Variants in ESRRG observed in about 807,000 individuals in gnomAD.
The protein encoded by ESRRG is estrogen related receptor gamma.
Under a neutral mutation model 44.0 loss-of-function variants are expected in ESRRG, and 13 were observed. The observed-to-expected ratio is 0.30, with a 90% CI of 0.19 to 0.47. The LOEUF (loss-of-function observed/expected upper bound fraction) is 0.47, where lower values mean the gene tolerates loss of function less well. Ranked by LOEUF, ESRRG falls within the 20% of genes least tolerant of loss-of-function variation. ESRRG has a pLI of 1.00. For synonymous variants in ESRRG, 215 were observed against 214.6 expected (o/e 1.00, Z -0.02); for missense variants, 395 against 580.6 (o/e 0.68, Z 3.29).
intron 1 of ESRRG, among the ~76,000 whole-genome samples, chr1:216,701,030 G>C (rs898991890): frequency 2.0e-5 from 3 of 152,140 alleles, no homozygotes; most frequent in Non-Finnish European, 4.4e-5. Context: ...GAATTTGTCG[G>C]TTGAGGTAAG....
intron 1 of ESRRG, among the ~76,000 whole-genome samples, chr1:217,065,902 C>T (rs1479806132): frequency 1.3e-5 from 2 of 152,144 alleles, no homozygotes; most frequent in African/African-American, 2.4e-5. Flanking sequence ...AAAGCCTTCC[C>T]GCTTCCAAGT....
intron 1 of ESRRG, among the ~76,000 whole-genome samples, chr1:216,709,343 G>GTGTATATATA (rs377260365): frequency 6.9e-4 from 101 of 145,392 alleles, no homozygotes; most frequent in African/African-American, 2.5e-3. Flanking sequence ...GTGTGTGTGT[G>GTGTATATATA]TATATATATA....
At chr1:216,694,865 T>G (rs1280711397) in intron 1 of ESRRG, among the ~76,000 whole-genome samples, 1 of 152,190 alleles carries the variant, frequency 6.6e-6, no homozygotes, top group Non-Finnish European at 1.5e-5. Context: ...GGCCCATTTT[T>G]TGTTTCTGTT....
chr1:217,080,393 C>T (rs1489192651), intron 1 of ESRRG, among the ~76,000 whole-genome samples: 1 of 152,036 alleles, frequency 6.6e-6, no homozygotes, highest in Non-Finnish European at 1.5e-5. Flanking sequence ...TTATATGTGG[C>T]CTTCCAGTGC....
rs1355449506 is a variant in ESRRG, at chr1:217,137,054, C to T, written c.-230+613G>A. 3.3e-5 allele frequency among the ~76,000 whole-genome samples: 5 copies of T among 152,192 alleles called. No homozygotes were observed. In the East Asian group the frequency reaches 7.8e-4, roughly 24 times the overall value. ...TCAAGCCCGTCCCGTGGGCCTAAAG[C>T]GACTAGTAGCTGGGGGGGAGGGAGC... On this transcript the variant is annotated intron_variant, in intron 1 of 8. Transcript: ENST00000366940.
chr1:216,734,150 C>T (rs955102141), intron 2 of ESRRG, among the ~76,000 whole-genome samples: 2 of 152,124 alleles, frequency 1.3e-5, no homozygotes, highest in Non-Finnish European at 2.9e-5. Flanking sequence ...TTATGTGTCT[C>T]TGCCTTCCAT....
chr1:216,806,310 T>C (rs1302309329), intron 2 of ESRRG, among the ~76,000 whole-genome samples: 2 of 152,180 alleles, frequency 1.3e-5, no homozygotes, highest in Admixed American at 1.3e-4. Flanking sequence ...GGCTGGCTTT[T>C]TGATGTAATT....
At chr1:216,966,064 T>C (rs1157638534) in intron 1 of ESRRG, among the ~76,000 whole-genome samples, 1 of 152,146 alleles carries the variant, frequency 6.6e-6, no homozygotes, top group Non-Finnish European at 1.5e-5. Context: ...AAAAGGATCA[T>C]GAAGGTACAT....
At chr1:216,711,702 G>C (rs1435227824) in intron 1 of ESRRG, among the ~76,000 whole-genome samples, 1 of 152,132 alleles carries the variant, frequency 6.6e-6, no homozygotes, top group Non-Finnish European at 1.5e-5. Context: ...TGGCAGCTCT[G>C]TAATGATGTT....
At chr1:216,756,514 G>GT (rs1486030058) in intron 2 of ESRRG, among the ~76,000 whole-genome samples, 2 of 151,940 alleles carry the variant, frequency 1.3e-5, no homozygotes, top group South Asian at 2.1e-4. Flanking sequence ...AGAAAATCAG[G>GT]TTTTTTCTCT....
intron 1 of ESRRG, among the ~76,000 whole-genome samples, chr1:217,044,118 A>G (rs888978611): frequency 6.6e-6 from 1 of 152,204 alleles, no homozygotes; most frequent in Admixed American, 6.5e-5. Context: ...AAGTTTACTG[A>G]AGTAGGTAGC....
At chr1:216,866,410 T>C (rs2096159868) in intron 2 of ESRRG, among the ~76,000 whole-genome samples, 1 of 152,158 alleles carries the variant, frequency 6.6e-6, no homozygotes, top group African/African-American at 2.4e-5. Context: ...TTGAAATATA[T>C]ATTTTTTAGG....
intron 1 of ESRRG, among the ~76,000 whole-genome samples, chr1:217,050,795 A>T (rs2085812594): frequency 1.3e-5 from 2 of 152,138 alleles, no homozygotes; most frequent in Non-Finnish European, 2.9e-5. Flanking sequence ...GCTAATAGTA[A>T]GTCTGGGGAC....
At chr1:217,080,091 T>A (rs924025572) in intron 1 of ESRRG, among the ~76,000 whole-genome samples, 2 of 152,230 alleles carry the variant, frequency 1.3e-5, no homozygotes, top group East Asian at 3.8e-4. Context: ...TAAATATATA[T>A]GAATTGACCA....
At chr1:216,568,148 G>A (rs776251642) in intron 3 of ESRRG, 50 bp from the exon 4 acceptor site, 2 of 1,300,890 alleles carry the variant, frequency 1.5e-6, no homozygotes, top group South Asian at 2.4e-5. Context: ...CTATGTTTGA[G>A]ACCAATCAAA....
At chr1:216,872,911 G>A (rs1157241675) in intron 2 of ESRRG, among the ~76,000 whole-genome samples, 1 of 152,148 alleles carries the variant, frequency 6.6e-6, no homozygotes, top group Admixed American at 6.5e-5. Context: ...TTGAGACTAT[G>A]TGTCTTGCTT....
intron 3 of ESRRG, among the ~76,000 whole-genome samples, chr1:216,581,033 T>C (rs1265520094): frequency 1.3e-5 from 2 of 152,210 alleles, no homozygotes; most frequent in Admixed American, 1.3e-4. Flanking sequence ...AACTGAAGTA[T>C]GGGAAATCAT....
At chr1:216,865,781 C>T (rs1294423430) in intron 2 of ESRRG, among the ~76,000 whole-genome samples, 4 of 152,142 alleles carry the variant, frequency 2.6e-5, no homozygotes, top group South Asian at 2.1e-4. Flanking sequence ...AATGGCATTC[C>T]TTTTGAGAAA....
chr1:216,893,432 GGA>G (rs2058050462), intron 2 of ESRRG, among the ~76,000 whole-genome samples: 1 of 152,070 alleles, frequency 6.6e-6, no homozygotes, highest in Non-Finnish European at 1.5e-5. Flanking sequence ...GGAATAAATA[GGA>G]GCTTTAAGGA....
Sources: allele counts gnomAD v4.1 joint callset (sites outside exome capture counted in the v4.1 genomes callset), GRCh38; gene constraint gnomAD v4.1.1; transcripts MANE v1.5; gene names NCBI Gene and HGNC (gene_info 2026-07-23, HGNC 2026-07-21).